STPG2: variants seen among roughly 807,000 people sequenced by gnomAD.
STPG2 encodes sperm tail PG-rich repeat containing 2.
In STPG2, 56 loss-of-function variants were observed where a neutral mutation model predicts 54.2. That is an observed-to-expected ratio of 1.03 (90% CI 0.83 to 1.29). The LOEUF (loss-of-function observed/expected upper bound fraction) is 1.29, where lower values mean the gene tolerates loss of function less well. Ranked by LOEUF, STPG2 falls within the 50% of genes most tolerant of loss-of-function variation. The pLI is 0.00. For synonymous variants in STPG2, 200 were observed against 181.8 expected (o/e 1.10, Z -0.81); for missense variants, 596 against 544.9 (o/e 1.09, Z -0.93).
At chr4:98,052,101 A>AG (rs1737343142) in intron 5 of STPG2, among the ~76,000 whole-genome samples, 1 of 151,332 alleles carries the variant, frequency 6.6e-6, no homozygotes, top group African/African-American at 2.4e-5. Flanking sequence ...AAAAAAAAAA[A>AG]AAAGAAACAA....
intron 10 of STPG2, among the ~76,000 whole-genome samples, chr4:97,632,287 T>G (rs1265685312): frequency 2.0e-5 from 3 of 147,214 alleles, no homozygotes; most frequent in South Asian, 2.1e-4. Flanking sequence ...GCTTATTGGT[T>G]TTTTTTTTTT....
chr4:97,853,245 C>T (rs1214606020), intron 8 of STPG2, among the ~76,000 whole-genome samples: 1 of 151,684 alleles, frequency 6.6e-6, no homozygotes, highest in Non-Finnish European at 1.5e-5. Context: ...GGATTACAGG[C>T]GTGAGTCACC....
intron 10 of STPG2, among the ~76,000 whole-genome samples, chr4:97,577,972 A>G (rs1732764821): frequency 6.6e-6 from 1 of 152,192 alleles, no homozygotes; most frequent in African/African-American, 2.4e-5. Flanking sequence ...CTTTGCAGAC[A>G]TATATCCATT....
chr4:98,083,726 C>T (rs980185229), intron 5 of STPG2, among the ~76,000 whole-genome samples: 2 of 152,176 alleles, frequency 1.3e-5, no homozygotes, highest in Admixed American at 1.3e-4. Context: ...ATGTAATTTG[C>T]AAACAATATG....
chr4:97,566,102 C>T (rs1732430054), intron 10 of STPG2, among the ~76,000 whole-genome samples: 1 of 152,198 alleles, frequency 6.6e-6, no homozygotes, highest in African/African-American at 2.4e-5. Context: ...GTTCGAGCTT[C>T]CAGGCTGCTT....
downstream of STPG2, among the ~76,000 whole-genome samples, chr4:97,555,809 T>C (rs1022548548): frequency 1.3e-4 from 20 of 152,028 alleles, no homozygotes; most frequent in Non-Finnish European, 5.9e-5. Context: ...TAGAAATGGG[T>C]AAATACAATA....
intron 9 of STPG2, among the ~76,000 whole-genome samples, chr4:97,777,762 C>T (rs573607711): frequency 1.3e-5 from 2 of 152,274 alleles, no homozygotes; most frequent in Admixed American, 1.3e-4. Flanking sequence ...ACTTTGAGCC[C>T]TAATACTTGC....
intron 9 of STPG2, among the ~76,000 whole-genome samples, chr4:97,755,125 C>G (rs930234469): frequency 6.6e-6 from 1 of 152,162 alleles, no homozygotes; most frequent in Non-Finnish European, 1.5e-5. Context: ...GAAGAGCATA[C>G]TTTCTCGCAT....
At chr4:97,957,035 C>T (rs1052179390) in intron 7 of STPG2, among the ~76,000 whole-genome samples, 6 of 147,098 alleles carry the variant, frequency 4.1e-5, no homozygotes, top group Non-Finnish European at 6.0e-5. Flanking sequence ...ATCAAAAAGG[C>T]GTCAGAGAAA....
chr4:97,893,608 A>C (rs1309539839), intron 8 of STPG2, among the ~76,000 whole-genome samples: 1 of 152,022 alleles, frequency 6.6e-6, no homozygotes, highest in African/African-American at 2.4e-5. Context: ...TTTTCAAGAA[A>C]TTTCTCAGAG....
At chr4:97,675,697 G>A (rs947936765) in intron 10 of STPG2, among the ~76,000 whole-genome samples, 19 of 151,522 alleles carry the variant, frequency 1.3e-4, no homozygotes, top group South Asian at 2.1e-4. Flanking sequence ...GTGTGTGCGC[G>A]CGCGTGCTTT....
intron 8 of STPG2, among the ~76,000 whole-genome samples, chr4:97,895,308 G>C (rs1360702068): frequency 4.0e-5 from 6 of 151,836 alleles, no homozygotes; most frequent in Non-Finnish European, 5.9e-5. Flanking sequence ...ATAACGTAAA[G>C]AGTAAGAAAT....
chr4:97,861,520 G>T (rs1198326011), intron 8 of STPG2, among the ~76,000 whole-genome samples: 2 of 152,082 alleles, frequency 1.3e-5, no homozygotes, highest in African/African-American at 4.8e-5. Flanking sequence ...CAAAAGAAAA[G>T]AAATCAGTAT....
intron 9 of STPG2, among the ~76,000 whole-genome samples, chr4:97,829,148 C>A (rs1220580151): frequency 6.6e-6 from 1 of 152,022 alleles, no homozygotes; most frequent in African/African-American, 2.4e-5. Flanking sequence ...GGTGGGTGCC[C>A]CTCTGGGACG....
chr4:97,702,363 C>T (rs1723804747), intron 10 of STPG2, among the ~76,000 whole-genome samples: 1 of 152,172 alleles, frequency 6.6e-6, no homozygotes, highest in Non-Finnish European at 1.5e-5. Flanking sequence ...ATTCCCATGC[C>T]TGTTCTCCAG....
intron 10 of STPG2, among the ~76,000 whole-genome samples, chr4:97,675,953 T>A (rs974113081): frequency 6.8e-6 from 1 of 146,448 alleles, no homozygotes; most frequent in African/African-American, 2.5e-5. Flanking sequence ...ATATAGTATA[T>A]ATAGTATACT....
chr4:97,781,668 A>G (rs1726619600), intron 9 of STPG2, among the ~76,000 whole-genome samples: 2 of 152,224 alleles, frequency 1.3e-5, no homozygotes, highest in Admixed American at 6.5e-5. Flanking sequence ...ATGAACATCA[A>G]TGCAAAAATC....
At chr4:98,055,997 G>C (rs1194449576) in intron 5 of STPG2, among the ~76,000 whole-genome samples, 1 of 152,118 alleles carries the variant, frequency 6.6e-6, no homozygotes, top group African/African-American at 2.4e-5. Flanking sequence ...CCATACGGCA[G>C]CTTTCCCCCA....
At chr4:97,622,358 G>T (rs868380770) in intron 10 of STPG2, among the ~76,000 whole-genome samples, 35 of 152,214 alleles carry the variant, frequency 2.3e-4, no homozygotes, top group African/African-American at 8.2e-4. Context: ...CCAATGATAT[G>T]ACTCTATACC....
Sources: allele counts gnomAD v4.1 joint callset (sites outside exome capture counted in the v4.1 genomes callset), GRCh38; gene constraint gnomAD v4.1.1; transcripts MANE v1.5; gene names NCBI Gene and HGNC (gene_info 2026-07-23, HGNC 2026-07-21).